YAF2: variants seen among roughly 807,000 people sequenced by gnomAD.
The protein encoded by YAF2 is YY1-associated factor 2.
In YAF2, 7 loss-of-function variants were observed where a neutral mutation model predicts 20.1. The ratio of observed to expected loss-of-function variants is 0.35; its 90% CI spans 0.20 to 0.65. The LOEUF (loss-of-function observed/expected upper bound fraction) is 0.65, where lower values mean the gene tolerates loss of function less well. Among genes scored for constraint, YAF2 ranks in the 30% least tolerant of loss-of-function variants. The pLI is 0.69. For missense variants in YAF2, 151 were observed against 219.2 expected, an observed-to-expected ratio of 0.69 and a Z score of 1.96; for synonymous variants, 74 against 76.0, an observed-to-expected ratio of 0.97 and a Z score of 0.14.
intron 2 of YAF2, among the ~76,000 whole-genome samples, chr12:42,229,992 C>G (rs190632265): frequency 6.6e-6 from 1 of 152,142 alleles, no homozygotes; most frequent in African/African-American, 2.4e-5. Flanking sequence ...CATATGGTGG[C>G]TTACGCCTGC....
intron 2 of YAF2, among the ~76,000 whole-genome samples, chr12:42,229,523 A>G (rs1441102697): frequency 6.6e-6 from 1 of 152,218 alleles, no homozygotes; most frequent in African/African-American, 2.4e-5. Flanking sequence ...TGTAGGGCAG[A>G]TAAGTGTCTA....
chr12:42,238,023 C>A, intron 1 of YAF2, 132 bp downstream of exon 1: 2 of 724,720 alleles, frequency 2.8e-6, no homozygotes, highest in East Asian at 8.3e-5. Context: ...CAAGCGGCAG[C>A]ACTCGCACAC....
rs2065741390 is a variant in YAF2, at chr12:42,158,441, C to A, written c.*2148G>T. The A allele has an allele frequency of 6.6e-6, 1 of 152,068 alleles. No homozygotes were observed. The allele number at this position is 152,068 out of a possible 1,614,324, so 9.4% of individuals were successfully genotyped here. On this transcript the variant is annotated 3_prime_UTR_variant, in exon 4 of 4. Transcript: ENST00000534854. Reference sequence around the variant, plus strand: ...TTTACCTATAACAATGGTAAAAGCTCACATTTACTGAGTGACCAGTATGTG... The same window carrying A: ...TTTACCTATAACAATGGTAAAAGCTAACATTTACTGAGTGACCAGTATGTG...
rs533422441 is a variant in YAF2 at position 42,194,652 on chromosome 12, A to AT, written c.153-32888dup. Among the ~76,000 whole-genome samples, 330 of 152,288 alleles carry AT rather than the reference A, an allele frequency of 2.2e-3. 1 individual carries two copies. The highest frequency in any genetic ancestry group is 7.8e-3 in the African/African-American group (323 of 41,562). On this transcript the variant is annotated intron_variant, in intron 2 of 3. Transcript: ENST00000534854. Reference sequence around the variant, plus strand: ...AATCTAAGCCATTCTTATATATCTAATTATGTCCTATAATATTCTAAATCA... The same window carrying AT: ...AATCTAAGCCATTCTTATATATCTAATTTATGTCCTATAATATTCTAAATCA...
intron 2 of YAF2, among the ~76,000 whole-genome samples, chr12:42,174,859 C>G (rs2066140199): frequency 6.6e-6 from 1 of 152,104 alleles, no homozygotes; most frequent in African/African-American, 2.4e-5. Flanking sequence ...TAAGGAAAAA[C>G]TAGATTATGA....
At position 42,233,384 on chromosome 12, in the gene YAF2, T is replaced by A. The variant is rs2068040032; in HGVS notation, c.152+4215A>T. 5 of 984,952 alleles carry A rather than the reference T, an allele frequency of 5.1e-6. No individual in the cohort carries two copies. In the South Asian group the frequency reaches 1.9e-4, roughly 37 times the overall value. 61.0% of individuals were successfully genotyped at this position (984,952 alleles called of 1,614,324 possible). ...AATATTTGCTATCTGAATTAAGCAA[T>A]ATTAAGTAACTGTCCACTACTAGAT... On this transcript the variant is annotated intron_variant, in intron 2 of 3. Transcript: ENST00000534854.
At chr12:42,168,260 C>T (rs527508347) in intron 2 of YAF2, among the ~76,000 whole-genome samples, 1 of 150,532 alleles carries the variant, frequency 6.6e-6, no homozygotes, top group Admixed American at 6.6e-5. Context: ...CTCACTGCAA[C>T]CTCCGCCTTG....
intron 2 of YAF2, among the ~76,000 whole-genome samples, chr12:42,176,017 C>T (rs573524276): frequency 3.3e-5 from 5 of 151,982 alleles, no homozygotes; most frequent in African/African-American, 7.2e-5. Flanking sequence ...GAGGCCAAGG[C>T]GGGTGGATCA....
chr12:42,176,962 T>C (rs2066211014), intron 2 of YAF2, among the ~76,000 whole-genome samples: 1 of 152,134 alleles, frequency 6.6e-6, no homozygotes, highest in Non-Finnish European at 1.5e-5. Context: ...AGCAAAACTC[T>C]GTCTCAAAAA....
intron 2 of YAF2, chr12:42,212,490 G>C (rs1448775288): frequency 4.5e-6 from 2 of 440,618 alleles, no homozygotes; most frequent in African/African-American, 4.1e-5. Context: ...TCATTCTATG[G>C]AAACAAAGAA....
chr12:42,229,858 T>C (rs1451915595), intron 2 of YAF2, among the ~76,000 whole-genome samples: 1 of 152,218 alleles, frequency 6.6e-6, no homozygotes, highest in Non-Finnish European at 1.5e-5. Context: ...TGGGACTGTA[T>C]ATGTGGTCCC....
intron 2 of YAF2, among the ~76,000 whole-genome samples, chr12:42,168,496 TTA>T (rs557617551): frequency 2.6e-4 from 39 of 152,244 alleles, no homozygotes; most frequent in African/African-American, 9.4e-4. Flanking sequence ...GACAGAAATT[TTA>T]TGTCATAAAA....
intron 2 of YAF2, among the ~76,000 whole-genome samples, chr12:42,191,503 G>A (rs1207219751): frequency 6.6e-6 from 1 of 152,086 alleles, no homozygotes; most frequent in African/African-American, 2.4e-5. Flanking sequence ...TTAATCTAAT[G>A]TAAATCTTGC....
chr12:42,161,258 T>C (rs1049314257), intron 3 of YAF2: 1 of 248,928 alleles, frequency 4.0e-6, no homozygotes, highest in African/African-American at 2.3e-5. Context: ...ACTGAACGCA[T>C]GACCATTTTG....
rs1024116061 is a variant in YAF2 at position 42,161,710 on chromosome 12, G to A, written c.208C>T (p.Pro70Ser). 2.5e-6 allele frequency: 4 copies of A among 1,609,208 alleles called. No individual in the cohort carries two copies. Among genetic ancestry groups the A allele is most frequent in the African/African-American group, 1.3e-5 (1 of 74,452 alleles). The part of the protein sequence containing the change: ...VAQQVTQQFV[P>S]PTQSKKEKKD... Reference sequence around the variant, plus strand: ...TTCTCTTTCTTTGACTGTGTAGGAGGCACAAACTGCTGAGTAACCTGCTGT... The same window carrying A: ...TTCTCTTTCTTTGACTGTGTAGGAGACACAAACTGCTGAGTAACCTGCTGT... Residue 70 changes from proline (P) to serine (S), a missense_variant, in exon 3 of 4, where the codon CCT (proline) becomes TCT (serine). Coordinates refer to ENST00000534854, the MANE Select transcript of YAF2 (RefSeq NM_005748.6).
At chr12:42,214,745 T>A (rs2067306039) in intron 2 of YAF2, among the ~76,000 whole-genome samples, 1 of 152,052 alleles carries the variant, frequency 6.6e-6, no homozygotes, top group African/African-American at 2.4e-5. Context: ...GGCTCACTCC[T>A]GTAATTCCAG....
At chr12:42,165,452 GGTTTTTGTTTTT>G (rs375008305) in intron 2 of YAF2, among the ~76,000 whole-genome samples, 3 of 151,920 alleles carry the variant, frequency 2.0e-5, no homozygotes, top group South Asian at 2.1e-4. Context: ...ATGGCCAAAA[GGTTTTTGTTTTT>G]GTTTTTGTTT....
intron 2 of YAF2, among the ~76,000 whole-genome samples, chr12:42,181,292 C>A (rs2066335750): frequency 6.6e-6 from 1 of 152,202 alleles, no homozygotes; most frequent in African/African-American, 2.4e-5. Flanking sequence ...ACACAGTTTA[C>A]TCTGTGCTCT....
At chr12:42,237,975 T>G in intron 1 of YAF2, among the ~76,000 whole-genome samples, 180 bp downstream of exon 1, 1 of 145,678 alleles carries the variant, frequency 6.9e-6, no homozygotes, top group Non-Finnish European at 1.5e-5. Context: ...GCCGCCGCCA[T>G]CGCGGCTCCA....
Sources: allele counts gnomAD v4.1 joint callset (sites outside exome capture counted in the v4.1 genomes callset), GRCh38; gene constraint gnomAD v4.1.1; transcripts MANE v1.5; gene names NCBI Gene and HGNC (gene_info 2026-07-23, HGNC 2026-07-21).